GPM6A: variants seen among roughly 807,000 people sequenced by gnomAD.
GPM6A encodes neuronal membrane glycoprotein M6-a.
GPM6A carries 7 observed loss-of-function variants against 32.1 expected under a neutral mutation model. That is an observed-to-expected ratio of 0.22 (90% CI 0.12 to 0.41). GPM6A has a LOEUF of 0.41. GPM6A is among the 10% of genes least tolerant of loss of function. The pLI, the probability that GPM6A is intolerant of heterozygous loss-of-function variation, is 1.00. For missense variants in GPM6A, 235 were observed against 347.2 expected, an observed-to-expected ratio of 0.68 and a Z score of 2.57; for synonymous variants, 130 against 123.4, an observed-to-expected ratio of 1.05 and a Z score of -0.35.
At position 175,679,396 on chromosome 4, in the gene GPM6A, T is replaced by C. The variant is rs573264946; in HGVS notation, c.231-5560A>G. On this transcript the variant is annotated intron_variant, in intron 2 of 6. Coordinates refer to ENST00000393658, the MANE Select transcript of GPM6A (RefSeq NM_201591.3). Reference sequence around the variant, plus strand: ...ACAAAGCCCTTCTGCCTCTCAGTACTAATTTTAATTTTCATCATCTAGTTA... The same window carrying C: ...ACAAAGCCCTTCTGCCTCTCAGTACCAATTTTAATTTTCATCATCTAGTTA... 2.2e-3 allele frequency among the ~76,000 whole-genome samples: 339 copies of C among 152,232 alleles called. 1 individual carries two copies. Among genetic ancestry groups the C allele is most frequent in the Non-Finnish European group, 1.6e-3 (111 of 67,998 alleles).
intron 1 of GPM6A, among the ~76,000 whole-genome samples, chr4:175,852,396 G>A (rs909539384): frequency 1.3e-5 from 2 of 152,122 alleles, no homozygotes; most frequent in African/African-American, 4.8e-5. Context: ...ACCAAATAAA[G>A]ATTGGCTTTA....
At chr4:175,920,901 T>C (rs1738644768) in intron 1 of GPM6A, among the ~76,000 whole-genome samples, 1 of 152,166 alleles carries the variant, frequency 6.6e-6, no homozygotes, top group African/African-American at 2.4e-5. Context: ...TTGCTCTTTA[T>C]TGAATTATAT....
chr4:175,898,127 AC>A (rs1560984764), intron 1 of GPM6A, among the ~76,000 whole-genome samples: 2 of 152,278 alleles, frequency 1.3e-5, no homozygotes, highest in East Asian at 3.9e-4. Flanking sequence ...TTAATCATTT[AC>A]CCCTTAAACC....
At chr4:175,959,432 GCA>G (rs138172319) in intron 1 of GPM6A, among the ~76,000 whole-genome samples, 17 of 148,810 alleles carry the variant, frequency 1.1e-4, no homozygotes, top group South Asian at 2.1e-4. Context: ...GTACACACAT[GCA>G]CACACACACA....
chr4:175,983,375 T>G (rs1322302868), intron 1 of GPM6A, among the ~76,000 whole-genome samples: 1 of 152,192 alleles, frequency 6.6e-6, no homozygotes, highest in Non-Finnish European at 1.5e-5. Context: ...AGCTTTCTAT[T>G]TTGAAGGTCC....
intron 3 of GPM6A, among the ~76,000 whole-genome samples, chr4:175,667,226 T>C (rs948106484): frequency 6.6e-6 from 1 of 152,192 alleles, no homozygotes; most frequent in African/African-American, 2.4e-5. Context: ...TTAGTTTTTC[T>C]TTTTCAGTAA....
At chr4:175,684,094 G>A in intron 2 of GPM6A, among the ~76,000 whole-genome samples, 1 of 152,048 alleles carries the variant, frequency 6.6e-6, no homozygotes, top group Admixed American at 6.6e-5. Context: ...CTCCCAAAGT[G>A]CTGGTATTAC....
At chr4:175,836,940 A>G (rs1560958140) in intron 1 of GPM6A, among the ~76,000 whole-genome samples, 1 of 152,182 alleles carries the variant, frequency 6.6e-6, no homozygotes, top group Non-Finnish European at 1.5e-5. Flanking sequence ...AATCCACAGA[A>G]CATGTAAATA....
In GPM6A at chr4:175,633,052, A is replaced by G. The variant is rs1372029298; in HGVS notation, c.*1853T>C. The G allele has an allele frequency of 1.3e-5, 2 of 152,518 alleles. No individual in the cohort carries two copies. The allele number at this position is 152,518 out of a possible 1,614,324, so 9.4% of individuals were successfully genotyped here. A position where few individuals can be genotyped will look rare whatever the true frequency, so the allele number is the denominator to read the frequency against. On this transcript the variant is annotated 3_prime_UTR_variant, in exon 7 of 7. Transcript: ENST00000393658. ...GGCACATTTATGTACAAAACAGATT[A>G]ATTGTAATGCCTGCTACAAAGCACT... is the stretch of plus-strand genomic sequence containing the variant.
At chr4:175,987,447 C>A (rs566615886) in intron 1 of GPM6A, among the ~76,000 whole-genome samples, 9 of 151,978 alleles carry the variant, frequency 5.9e-5, no homozygotes, top group Non-Finnish European at 1.2e-4. Context: ...ATCTAAAGTT[C>A]TCTTTATGAT....
intron 1 of GPM6A, among the ~76,000 whole-genome samples, chr4:175,840,743 AAAGAG>A (rs141644452): frequency 0.31 from 46,432 of 151,758 alleles, 7,136 homozygotes; most frequent in East Asian, 0.35. Flanking sequence ...ATCCAGCATG[AAAGAG>A]AAAAGTGTTA....
chr4:175,676,108 C>G (rs1308665609), intron 2 of GPM6A, among the ~76,000 whole-genome samples: 7 of 152,152 alleles, frequency 4.6e-5, no homozygotes, highest in Non-Finnish European at 1.0e-4. Flanking sequence ...CTGCACTTCT[C>G]TCTCTTGCCG....
chr4:175,728,889 C>T (rs1410797405), intron 1 of GPM6A, among the ~76,000 whole-genome samples: 3 of 152,050 alleles, frequency 2.0e-5, no homozygotes, highest in Non-Finnish European at 4.4e-5. Flanking sequence ...CTAAGAGCAC[C>T]CCTCATCCAG....
chr4:175,962,108 T>C (rs761031220), intron 1 of GPM6A: 90 of 755,174 alleles, frequency 1.2e-4, no homozygotes, highest in Non-Finnish European at 2.0e-4. Flanking sequence ...TAGTAGCCCA[T>C]GCTGTGCACC....
At chr4:175,813,753 C>T (rs975006643), upstream of GPM6A, among the ~76,000 whole-genome samples, 1 of 152,192 alleles carries the variant, frequency 6.6e-6, no homozygotes. Flanking sequence ...CTAAATATTA[C>T]AAAAGCAGCT....
intron 1 of GPM6A, among the ~76,000 whole-genome samples, chr4:175,711,425 T>C (rs1177072479): frequency 4.4e-5 from 2 of 45,332 alleles, no homozygotes; most frequent in Non-Finnish European, 1.0e-4. Context: ...TATATATATA[T>C]ATATATATAT....
chr4:175,696,809 AGCT>A (rs1177136440), intron 2 of GPM6A, among the ~76,000 whole-genome samples: 2 of 152,168 alleles, frequency 1.3e-5, no homozygotes, highest in African/African-American at 4.8e-5. Flanking sequence ...TCATCCATTA[AGCT>A]GCTAACAACT....
At chr4:175,780,205 G>A (rs749803629) in intron 1 of GPM6A, among the ~76,000 whole-genome samples, 9 of 151,910 alleles carry the variant, frequency 5.9e-5, no homozygotes, top group Non-Finnish European at 7.4e-5. Context: ...CTGCCCCCAC[G>A]CCCAGCTGAT....
intron 1 of GPM6A, among the ~76,000 whole-genome samples, chr4:175,738,874 G>T (rs1372691665): frequency 1.3e-5 from 2 of 152,090 alleles, no homozygotes; most frequent in Non-Finnish European, 2.9e-5. Context: ...CTATTTGCTT[G>T]AGATATACAA....
Sources: allele counts gnomAD v4.1 joint callset (sites outside exome capture counted in the v4.1 genomes callset), GRCh38; gene constraint gnomAD v4.1.1; transcripts MANE v1.5; gene names NCBI Gene and HGNC (gene_info 2026-07-23, HGNC 2026-07-21).